RASAL2: variants seen among roughly 807,000 people sequenced by gnomAD.
RASAL2 encodes RAS protein activator like 2, also known as ras GTPase-activating protein nGAP.
Under a neutral mutation model 128.9 loss-of-function variants are expected in RASAL2, and 58 were observed. The ratio of observed to expected loss-of-function variants is 0.45; its 90% confidence interval spans 0.36 to 0.56. RASAL2 has a LOEUF of 0.56. Among genes scored for constraint, RASAL2 ranks in the 20% least tolerant of loss-of-function variants. The probability of loss-of-function intolerance (pLI) is 0.00; values close to 1 mark genes in which losing one functional copy is unlikely to be tolerated. For synonymous variants in RASAL2, 561 were observed against 580.8 expected, an observed-to-expected ratio of 0.97 and a Z score of 0.49; for missense variants, 1,360 against 1,601.6, an observed-to-expected ratio of 0.85 and a Z score of 2.57.
chr1:178,271,807 A>G (rs1022656841), intron 1 of RASAL2, among the ~76,000 whole-genome samples: 7 of 152,202 alleles, frequency 4.6e-5, no homozygotes, highest in African/African-American at 1.7e-4. Context: ...TGGGCTTTGC[A>G]TGATCTTGCC....
At chr1:178,406,105 A>G (rs1018982784) in intron 4 of RASAL2, among the ~76,000 whole-genome samples, 2 of 152,294 alleles carry the variant, frequency 1.3e-5, no homozygotes. Flanking sequence ...CAAGCTTTTA[A>G]CTCAGTGGTT....
chr1:178,396,931 T>C (rs1431131543), intron 4 of RASAL2, among the ~76,000 whole-genome samples: 1 of 151,762 alleles, frequency 6.6e-6, no homozygotes, highest in Admixed American at 6.6e-5. Context: ...TCATTATTCA[T>C]TAAGAAAAAA....
chr1:178,396,826 T>TAAAA (rs60205143), intron 4 of RASAL2, among the ~76,000 whole-genome samples: 41 of 134,162 alleles, frequency 3.1e-4, no homozygotes, highest in African/African-American at 8.8e-4. Context: ...GAGTGGCTGG[T>TAAAA]AAAAAAAAAA....
intron 1 of RASAL2, among the ~76,000 whole-genome samples, chr1:178,114,361 A>G (rs1659448239): frequency 6.6e-6 from 1 of 152,096 alleles, no homozygotes; most frequent in Admixed American, 6.5e-5. Flanking sequence ...TTATTAGTTT[A>G]AAGATGTTCC....
intron 17 of RASAL2, among the ~76,000 whole-genome samples, chr1:178,469,850 A>G (rs1648098942): frequency 6.6e-6 from 1 of 152,234 alleles, no homozygotes; most frequent in East Asian, 1.9e-4. Context: ...ATTACTATAT[A>G]ATAAATTATT....
chr1:178,318,520 T>G (rs1668596877), intron 3 of RASAL2, among the ~76,000 whole-genome samples: 1 of 150,244 alleles, frequency 6.7e-6, no homozygotes, highest in Non-Finnish European at 1.5e-5. Flanking sequence ...GCTCTTCTTG[T>G]TGAATTGATC....
chr1:178,438,895 G>C (rs1321902790), intron 5 of RASAL2, among the ~76,000 whole-genome samples: 5 of 148,392 alleles, frequency 3.4e-5, no homozygotes, highest in African/African-American at 1.3e-4. Flanking sequence ...GTGTGTGTGT[G>C]TGTGTGTGTG....
At chr1:178,244,488 G>T (rs551680614) in intron 1 of RASAL2, among the ~76,000 whole-genome samples, 188 of 152,192 alleles carry the variant, frequency 1.2e-3, no homozygotes, top group South Asian at 2.7e-3. Flanking sequence ...TAATCCACCC[G>T]CCTCGGCCTC....
chr1:178,455,998 T>A (rs1226687927), intron 12 of RASAL2, among the ~76,000 whole-genome samples: 2 of 152,260 alleles, frequency 1.3e-5, no homozygotes, highest in Non-Finnish European at 2.9e-5. Context: ...GGCTTTGCTA[T>A]GTAAACACAC....
At chr1:178,112,573 T>G (rs1350295751) in intron 1 of RASAL2, among the ~76,000 whole-genome samples, 4 of 151,688 alleles carry the variant, frequency 2.6e-5, no homozygotes, top group Non-Finnish European at 5.9e-5. Flanking sequence ...AAAGAAATCA[T>G]GAAAAATGAT....
Position 178,308,997 on chromosome 1 carries a change from T to C in RASAL2, c.457+8879T>C, listed in dbSNP as rs568694688. On this transcript the variant is annotated intron_variant, in intron 3 of 17. Coordinates refer to ENST00000367649, the MANE Select transcript of RASAL2 (RefSeq NM_170692.4). ...TGAAGATTTAATATTATAAGAGATA[T>C]ATTCTTTCCTTTATAAAATAGAGTA... is the stretch of plus-strand genomic sequence containing the variant. Among the ~76,000 whole-genome samples the C allele has an allele frequency of 5.9e-5, 9 of 152,306 alleles. No homozygotes were observed. In the South Asian group the frequency reaches 1.9e-3, roughly 32 times the overall value.
At chr1:178,383,752 C>T (rs1207664481) in intron 3 of RASAL2, among the ~76,000 whole-genome samples, 1 of 152,174 alleles carries the variant, frequency 6.6e-6, no homozygotes, top group East Asian at 1.9e-4. Context: ...CCTCCTAATT[C>T]AGAATTCACA....
At chr1:178,343,715 A>G (rs529115949) in intron 3 of RASAL2, among the ~76,000 whole-genome samples, 4 of 152,304 alleles carry the variant, frequency 2.6e-5, no homozygotes, top group Admixed American at 2.6e-4. Flanking sequence ...TACAAAGAGA[A>G]AAATACTCAA....
At chr1:178,456,646 C>T in intron 12 of RASAL2, 75 bp from the exon 13 acceptor site, 14 of 1,516,776 alleles carry the variant, frequency 9.2e-6, no homozygotes, top group South Asian at 6.7e-5. Context: ...CAATGGCCAT[C>T]GTTGTGCCAA....
rs1156450353 is a variant in RASAL2 at position 178,477,945 on chromosome 1, G to T, written c.*4706G>T. The T allele has an allele frequency of 6.6e-6, 1 of 152,170 alleles. No individual in the cohort carries two copies. The highest frequency in any genetic ancestry group is 1.5e-5 in the Non-Finnish European group (1 of 68,028). The allele number at this position is 152,170 out of a possible 1,614,324, so 9.4% of individuals were successfully genotyped here. A position where few individuals can be genotyped will look rare whatever the true frequency, so the allele number is the denominator to read the frequency against. On this transcript the variant is annotated 3_prime_UTR_variant, in exon 18 of 18. Transcript: ENST00000367649. ...AAAGTTGAATATCATTGATCTGAGA[G>T]TAGGATCCAGAAATAAGTAGTTTCA...
chr1:178,269,607 G>A (rs113524308), intron 1 of RASAL2, among the ~76,000 whole-genome samples: 10,256 of 152,192 alleles, frequency 0.067, 405 homozygotes, highest in Middle Eastern at 0.095. Context: ...GGTGACGAGC[G>A]TGACCTCTGG....
chr1:178,242,704 AT>A (rs1237680194), intron 1 of RASAL2, among the ~76,000 whole-genome samples: 4 of 151,904 alleles, frequency 2.6e-5, no homozygotes, highest in African/African-American at 9.7e-5. Context: ...TCTCTCCTAG[AT>A]CTCTGGTGAT....
At chr1:178,258,017 G>A in intron 1 of RASAL2, among the ~76,000 whole-genome samples, 1 of 151,912 alleles carries the variant, frequency 6.6e-6, no homozygotes, top group East Asian at 1.9e-4. Context: ...AAGGAGGGCT[G>A]GGCCCTGTGG....
intron 1 of RASAL2, among the ~76,000 whole-genome samples, chr1:178,206,741 T>C (rs1304349869): frequency 1.3e-5 from 2 of 152,208 alleles, no homozygotes; most frequent in Non-Finnish European, 2.9e-5. Context: ...TTAACATTTT[T>C]TATAATGTTA....
Sources: allele counts gnomAD v4.1 joint callset (sites outside exome capture counted in the v4.1 genomes callset), GRCh38; gene constraint gnomAD v4.1.1; transcripts MANE v1.5; gene names NCBI Gene and HGNC (gene_info 2026-07-23, HGNC 2026-07-21).